RASAL2: variants seen among roughly 807,000 people sequenced by gnomAD.
The protein encoded by RASAL2 is ras GTPase-activating protein nGAP.
RASAL2 carries 58 observed loss-of-function variants against 128.9 expected under a neutral mutation model. The ratio of observed to expected loss-of-function variants is 0.45; its 90% CI spans 0.36 to 0.56. RASAL2 has a LOEUF of 0.56. RASAL2 is among the 20% of genes least tolerant of loss of function. The probability of loss-of-function intolerance (pLI) is 0.00; values close to 1 mark genes in which losing one functional copy is unlikely to be tolerated. For missense variants in RASAL2, 1,360 were observed against 1,601.6 expected (o/e 0.85, Z 2.57); for synonymous variants, 561 against 580.8 (o/e 0.97, Z 0.49).
At chr1:178,334,331 C>A (rs920551085) in intron 3 of RASAL2, among the ~76,000 whole-genome samples, 2 of 151,112 alleles carry the variant, frequency 1.3e-5, no homozygotes, top group East Asian at 1.9e-4. Context: ...TCATTTATTG[C>A]AACTTTTTTT....
intron 1 of RASAL2, among the ~76,000 whole-genome samples, chr1:178,220,765 G>C (rs1461134557): frequency 6.6e-6 from 1 of 152,042 alleles, no homozygotes; most frequent in Non-Finnish European, 1.5e-5. Flanking sequence ...TTTCTTTTTA[G>C]CACTGAATAA....
At chr1:178,169,553 T>G (rs879419152) in intron 1 of RASAL2, among the ~76,000 whole-genome samples, 13 of 152,152 alleles carry the variant, frequency 8.5e-5, no homozygotes, top group Non-Finnish European at 1.5e-4. Context: ...CATTATCCTT[T>G]GAGGAGGTAC....
At chr1:178,369,467 G>T (rs906650809) in intron 3 of RASAL2, among the ~76,000 whole-genome samples, 1 of 151,466 alleles carries the variant, frequency 6.6e-6, no homozygotes, top group African/African-American at 2.4e-5. Context: ...CAAGTGATCT[G>T]CCTGCCTCAG....
chr1:178,294,279 T>C (rs1177842354), intron 2 of RASAL2, among the ~76,000 whole-genome samples: 1 of 152,112 alleles, frequency 6.6e-6, no homozygotes, highest in Non-Finnish European at 1.5e-5. Flanking sequence ...GAAGCAGAGA[T>C]ACTTCCCCCC....
At chr1:178,106,032 T>C (rs186621119) in intron 1 of RASAL2, among the ~76,000 whole-genome samples, 74 of 152,322 alleles carry the variant, frequency 4.9e-4, no homozygotes, top group Admixed American at 5.9e-4. Context: ...ATTTTACTAA[T>C]TTAGTTCATG....
intron 2 of RASAL2, among the ~76,000 whole-genome samples, chr1:178,293,998 A>G (rs567046041): frequency 6.6e-6 from 1 of 152,260 alleles, no homozygotes; most frequent in Admixed American, 6.5e-5. Context: ...GGAAGAGAGA[A>G]CAAACTAAGC....
intron 1 of RASAL2, among the ~76,000 whole-genome samples, chr1:178,145,868 A>T (rs996877001): frequency 3.3e-5 from 5 of 152,144 alleles, no homozygotes; most frequent in African/African-American, 1.2e-4. Context: ...CTTTCCCAGA[A>T]AGTCCCACAC....
chr1:178,460,016 C>G (rs1467916636), intron 14 of RASAL2, among the ~76,000 whole-genome samples: 1 of 152,188 alleles, frequency 6.6e-6, no homozygotes, highest in Non-Finnish European at 1.5e-5. Flanking sequence ...GTAGTTTCCT[C>G]ACATCACTTT....
At chr1:178,374,776 T>A (rs1364639370) in intron 3 of RASAL2, among the ~76,000 whole-genome samples, 1 of 152,180 alleles carries the variant, frequency 6.6e-6, no homozygotes, top group Non-Finnish European at 1.5e-5. Flanking sequence ...AATATTGCCC[T>A]TTCCTACCTT....
intron 3 of RASAL2, among the ~76,000 whole-genome samples, chr1:178,342,125 C>T (rs1669914020): frequency 6.6e-6 from 1 of 152,140 alleles, no homozygotes; most frequent in South Asian, 2.1e-4. Context: ...CAAATGAGAA[C>T]TTTGCTTGTT....
intron 1 of RASAL2, among the ~76,000 whole-genome samples, chr1:178,219,647 A>AAG (rs1553260491): frequency 6.8e-6 from 1 of 146,012 alleles, no homozygotes; most frequent in Non-Finnish European, 1.5e-5. Context: ...AAAAAAAAAA[A>AAG]GAAAGAAAGA....
intron 1 of RASAL2, chr1:178,123,901 G>A (rs994081656): frequency 3.3e-5 from 5 of 152,364 alleles, no homozygotes; most frequent in African/African-American, 9.7e-5. Flanking sequence ...TTGAACTTCT[G>A]GGCTCAAGCG....
intron 1 of RASAL2, among the ~76,000 whole-genome samples, chr1:178,261,618 G>C (rs960153882): frequency 6.6e-6 from 1 of 152,104 alleles, no homozygotes; most frequent in Non-Finnish European, 1.5e-5. Flanking sequence ...GAACATAACT[G>C]TAAGGATTAA....
At chr1:178,413,715 G>A (rs986120288) in intron 4 of RASAL2, among the ~76,000 whole-genome samples, 1 of 152,166 alleles carries the variant, frequency 6.6e-6, no homozygotes, top group African/African-American at 2.4e-5. Flanking sequence ...TATCAGATCG[G>A]AAACTTAAAA....
At chr1:178,457,015 CTCA>C (rs1213870323) in intron 13 of RASAL2, 116 bp downstream of exon 13, 1 of 955,476 alleles carries the variant, frequency 1.0e-6, no homozygotes, top group Non-Finnish European at 1.5e-6. Flanking sequence ...CAACTGAAGA[CTCA>C]TCTGACCTGA....
chr1:178,353,971 A>G (rs1375694052), intron 3 of RASAL2, among the ~76,000 whole-genome samples: 1 of 109,522 alleles, frequency 9.1e-6, no homozygotes, highest in Non-Finnish European at 1.9e-5. Flanking sequence ...AACCCTGTCC[A>G]AAAAAAAAAG....
chr1:178,252,610 G>A (rs1215638562), intron 1 of RASAL2, among the ~76,000 whole-genome samples: 1 of 152,110 alleles, frequency 6.6e-6, no homozygotes, highest in African/African-American at 2.4e-5. Context: ...AAATGAAATA[G>A]AAATGAAATC....
intron 1 of RASAL2, among the ~76,000 whole-genome samples, chr1:178,109,219 T>C (rs1206694018): frequency 6.6e-6 from 1 of 152,210 alleles, no homozygotes; most frequent in Non-Finnish European, 1.5e-5. Context: ...GCTCAGAGCT[T>C]AGCCCTACAG....
chr1:178,249,981 T>C (rs1571705021), intron 1 of RASAL2, among the ~76,000 whole-genome samples: 1 of 152,224 alleles, frequency 6.6e-6, no homozygotes, highest in African/African-American at 2.4e-5. Flanking sequence ...CTCTTCTGTA[T>C]GAAGGGTCTG....
Sources: allele counts gnomAD v4.1 joint callset (sites outside exome capture counted in the v4.1 genomes callset), GRCh38; gene constraint gnomAD v4.1.1; transcripts MANE v1.5; gene names NCBI Gene and HGNC (gene_info 2026-07-23, HGNC 2026-07-21).